THAP4: variants seen among roughly 807,000 people sequenced by gnomAD.
The protein encoded by THAP4 is THAP domain containing 4, also known as peroxynitrite isomerase THAP4.
Under a neutral mutation model 48.1 loss-of-function variants are expected in THAP4, and 18 were observed. That is an observed-to-expected ratio of 0.37 (90% confidence interval 0.26 to 0.56). The LOEUF is 0.56. Among genes scored for constraint, THAP4 ranks in the 20% least tolerant of loss-of-function variants. The pLI is 0.78. For missense variants in THAP4, 656 were observed against 774.9 expected (o/e 0.85, Z 1.82); for synonymous variants, 345 against 324.9 (o/e 1.06, Z -0.66).
At chr2:241,624,102 C>T (rs2067466697) in intron 2 of THAP4, among the ~76,000 whole-genome samples, 1 of 152,230 alleles carries the variant, frequency 6.6e-6, no homozygotes, top group African/African-American at 2.4e-5. Context: ...TCCCACAGCC[C>T]TTTCCCTGGG....
chr2:241,606,678 C>T (rs1054855633), intron 2 of THAP4, among the ~76,000 whole-genome samples: 1 of 152,176 alleles, frequency 6.6e-6, no homozygotes, highest in Non-Finnish European at 1.5e-5. Context: ...GCAGTTCCTG[C>T]AGAGAAAAGA....
rs149971639 is a variant in THAP4, at chr2:241,630,456, A to C, written c.1240+2461T>G. Among the ~76,000 whole-genome samples, 675 of 152,356 alleles carry C rather than the reference A, an allele frequency of 4.4e-3. 6 individuals carry two copies. The highest frequency in any genetic ancestry group is 0.015 in the African/African-American group (642 of 41,590). On this transcript the variant is annotated intron_variant, in intron 2 of 5. Coordinates refer to ENST00000407315, the MANE Select transcript of THAP4 (RefSeq NM_015963.6). ...ATGGAGACAAACTTCAGGAAGTTTA[A>C]CCAAGAGGAACAGAGAGAAGCTGTC... is the stretch of plus-strand genomic sequence containing the variant.
chr2:241,602,836 C>A (rs1428590539), intron 4 of THAP4, 134 bp downstream of exon 4: 2 of 703,326 alleles, frequency 2.8e-6, no homozygotes, highest in Non-Finnish European at 4.9e-6. Context: ...ACTCTCAACA[C>A]TCAGGGCCAT....
intron 1 of THAP4, 72 bp from the exon 2 acceptor site, chr2:241,634,151 C>A: frequency 7.9e-7 from 1 of 1,258,952 alleles, no homozygotes; most frequent in East Asian, 2.4e-5. Flanking sequence ...ACTGTAAAAG[C>A]AAAACAAGTA....
upstream of THAP4, chr2:241,637,449 C>T (rs746796101): frequency 6.8e-7 from 1 of 1,472,076 alleles, no homozygotes; most frequent in South Asian, 1.3e-5. Flanking sequence ...GAAGCGCCAC[C>T]CATGGCACAC....
At chr2:241,622,314 G>A (rs2067438143) in intron 2 of THAP4, among the ~76,000 whole-genome samples, 1 of 152,148 alleles carries the variant, frequency 6.6e-6, no homozygotes, top group African/African-American at 2.4e-5. Flanking sequence ...GCAATGAGCT[G>A]AGATGATCAC....
rs916876939 is a variant in THAP4, at chr2:241,612,655, A to G, written c.1241-6182T>C. ...CTTGACAACACACCATATGAAAGCA[A>G]TCAGGCTCAAAAGAGCACATATTCT... On this transcript the variant is annotated intron_variant, in intron 2 of 5. Transcript: ENST00000407315. The surrounding 1 kb of genome is among the most constrained non-coding windows in gnomAD (Gnocchi z 4.1). 6.6e-6 allele frequency among the ~76,000 whole-genome samples: 1 copy of G among 152,266 alleles called. No individual in the cohort carries two copies. Among genetic ancestry groups the G allele is most frequent in the Admixed American group, 6.5e-5 (1 of 15,290 alleles).
chr2:241,635,634 G>A (rs1480441554), intron 1 of THAP4, among the ~76,000 whole-genome samples: 2 of 152,132 alleles, frequency 1.3e-5, no homozygotes, highest in Non-Finnish European at 2.9e-5. Context: ...GACAGGCGTG[G>A]TGGCGCTTGC....
chr2:241,585,710 C>T (rs2066884995), intron 5 of THAP4, among the ~76,000 whole-genome samples: 1 of 151,636 alleles, frequency 6.6e-6, no homozygotes, highest in Admixed American at 6.6e-5. Flanking sequence ...TTCTCAGACT[C>T]ATGGAGCTGG....
At chr2:241,614,795 A>C (rs1030471980) in intron 2 of THAP4, among the ~76,000 whole-genome samples, 1 of 152,132 alleles carries the variant, frequency 6.6e-6, no homozygotes, top group African/African-American at 2.4e-5. Flanking sequence ...AGGCTGAGGC[A>C]GGAGAATCGC....
intron 2 of THAP4, among the ~76,000 whole-genome samples, chr2:241,620,763 C>T (rs923246448): frequency 1.3e-5 from 2 of 151,854 alleles, no homozygotes; most frequent in East Asian, 1.9e-4. Flanking sequence ...TACACTAAAT[C>T]GATTAAAAAA....
Position 241,610,882 on chromosome 2 carries a change from G to C in THAP4, c.1241-4409C>G, listed in dbSNP as rs1312196995. On this transcript the variant is annotated intron_variant, in intron 2 of 5. Coordinates refer to ENST00000407315, the MANE Select transcript of THAP4 (RefSeq NM_015963.6). The surrounding 1 kb of genome is among the most constrained non-coding windows in gnomAD (Gnocchi z 4.2). ...GAGACACGGGGATGGGGCCAGAGAC[G>C]GGGCCAGAGACAGAGACACAGAAAG... Among the ~76,000 whole-genome samples the C allele has an allele frequency of 6.6e-6, 1 of 151,822 alleles. No individual in the cohort carries two copies. Among genetic ancestry groups the C allele is most frequent in the Non-Finnish European group, 1.5e-5 (1 of 67,976 alleles).
chr2:241,595,203 T>C (rs978692609), intron 5 of THAP4, among the ~76,000 whole-genome samples: 4 of 152,016 alleles, frequency 2.6e-5, no homozygotes, highest in Admixed American at 2.0e-4. Context: ...TTAGTAGAGA[T>C]GGGGTTTCAC....
In THAP4 at chr2:241,610,368, C is replaced by A. The variant is rs1344038283; in HGVS notation, c.1241-3895G>T. Among the ~76,000 whole-genome samples, 3 of 152,208 alleles carry A rather than the reference C, an allele frequency of 2.0e-5. No homozygotes were observed. The highest frequency in any genetic ancestry group is 4.8e-5 in the African/African-American group (2 of 41,464). On this transcript the variant is annotated intron_variant, in intron 2 of 5. Transcript: ENST00000407315. The surrounding 1 kb of genome is among the most constrained non-coding windows in gnomAD (Gnocchi z 4.2). ...GGAGGGCCGCGCTCGCCCCCCAGCGCCAGGGTCACGCCACCGCGCCCTGTT... is the reference window on the plus strand; with the variant it reads ...GGAGGGCCGCGCTCGCCCCCCAGCGACAGGGTCACGCCACCGCGCCCTGTT...
At position 241,636,989 on chromosome 2, in the gene THAP4, C is replaced by T; in HGVS notation, c.29G>A (p.Cys10Tyr). Residue 10 changes from cysteine (C) to tyrosine (Y), a missense_variant, in exon 1 of 6, where the codon TGC becomes TAC. This residue lies in a region of THAP4 where 59 missense variants were observed against 45.8 expected (regional missense o/e 1.29). Transcript: ENST00000407315. Reference protein sequence around the residue: MVICCAAVNCSNRQGKGEKR... With the variant: MVICCAAVNYSNRQGKGEKR... Reference sequence around the variant, plus strand: ...CTCGCCCTTTCCCTGCCGGTTGGAGCAGTTCACGGCCGCACAGCAGATCAC... The same window carrying T: ...CTCGCCCTTTCCCTGCCGGTTGGAGTAGTTCACGGCCGCACAGCAGATCAC... 1 of 1,320,734 alleles carries T rather than the reference C, an allele frequency of 7.6e-7. No individual in the cohort carries two copies. The allele number at this position is 1,320,734 out of a possible 1,614,324, so 81.8% of individuals were successfully genotyped here. A position where few individuals can be genotyped will look rare whatever the true frequency, so the allele number is the denominator to read the frequency against.
chr2:241,596,009 G>A (rs185604809), intron 5 of THAP4, among the ~76,000 whole-genome samples: 59 of 152,320 alleles, frequency 3.9e-4, no homozygotes, highest in African/African-American at 1.3e-3. Flanking sequence ...GCTCACACCT[G>A]TTTCCTCCAG....
At chr2:241,597,688 C>T (rs1268008873) in intron 5 of THAP4, among the ~76,000 whole-genome samples, 1 of 152,222 alleles carries the variant, frequency 6.6e-6, no homozygotes, top group Non-Finnish European at 1.5e-5. Context: ...AAGGTCCCTG[C>T]CTTCTGTGTG....
At chr2:241,604,807 C>G (rs573201281) in intron 3 of THAP4, among the ~76,000 whole-genome samples, 26 of 152,318 alleles carry the variant, frequency 1.7e-4, no homozygotes, top group Admixed American at 1.6e-3. Context: ...ATCCACCCGC[C>G]TTGGCCTCCC....
chr2:241,637,303 G>A, upstream of THAP4: 3 of 1,164,154 alleles, frequency 2.6e-6, no homozygotes, highest in Non-Finnish European at 3.2e-6. Flanking sequence ...ACGGGCGGGG[G>A]AGTCGCCCCG....
Sources: gnomAD v4.1 joint callset for allele counts (sites outside exome capture counted in the v4.1 genomes callset) on GRCh38, gnomAD v4.1.1 for gene constraint, gnomAD v4.1.1 regional missense constraint, Gnocchi (gnomAD v3.1) non-coding constraint, MANE v1.5 for transcripts, NCBI Gene and HGNC (gene_info 2026-07-23, HGNC 2026-07-21) for gene names.